Variants in TRIM24 observed in about 807,000 individuals in gnomAD.
TRIM24 encodes transcription intermediary factor 1-alpha.
TRIM24 carries 29 observed loss-of-function variants against 123.9 expected under a neutral mutation model. That is an observed-to-expected ratio of 0.23 (90% CI 0.17 to 0.32). The LOEUF (loss-of-function observed/expected upper bound fraction) is 0.32. TRIM24 is among the 10% of genes least tolerant of loss of function. TRIM24 has a pLI of 1.00. For missense variants in TRIM24, 932 were observed against 1,295.3 expected (o/e 0.72, Z 4.31); for synonymous variants, 456 against 461.1 (o/e 0.99, Z 0.14).
rs566469534 is a variant in TRIM24 at position 138,529,056 on chromosome 7, G to A, written c.882-60G>A. 697 of 1,039,544 alleles carry A rather than the reference G, an allele frequency of 6.7e-4. 7 individuals are homozygous for A. The South Asian group carries it at 0.012, about 17-fold the overall frequency. 64.4% of individuals were successfully genotyped at this position (1,039,544 alleles called of 1,614,324 possible). On this transcript the variant is annotated intron_variant, in intron 5 of 18. Transcript: ENST00000343526. ...TTTGGTCTAATTTAGACATTAAAACGTCAATTTTAAATATTATACAAAAAA... is the reference window on the plus strand; with the variant it reads ...TTTGGTCTAATTTAGACATTAAAACATCAATTTTAAATATTATACAAAAAA...
At position 138,584,446 on chromosome 7, in the gene TRIM24, T is replaced by TAA. The variant is rs760983524; in HGVS notation, c.2944-292_2944-291dup. 9.2e-5 allele frequency among the ~76,000 whole-genome samples: 14 copies of TAA among 152,214 alleles called. No homozygotes were observed. The South Asian group carries it at 1.0e-3, about 11-fold the overall frequency. Reference sequence around the variant, plus strand: ...TAATAGTACTACATTTAATTTGTTCTAAAAATACCTGGTTCATGATCCTAT... The same window carrying TAA: ...TAATAGTACTACATTTAATTTGTTCTAAAAAAATACCTGGTTCATGATCCTAT... On this transcript the variant is annotated intron_variant, in intron 18 of 18. Coordinates refer to ENST00000343526, the MANE Select transcript of TRIM24 (RefSeq NM_015905.3).
At chr7:138,535,197 A>G (rs1186028540) in intron 6 of TRIM24, among the ~76,000 whole-genome samples, 3 of 152,104 alleles carry the variant, frequency 2.0e-5, no homozygotes, top group African/African-American at 4.8e-5. Flanking sequence ...TTTTAATTGG[A>G]GCATTTAGCC....
Position 138,525,276 on chromosome 7 carries a change from A to G in TRIM24, c.800A>G (p.Lys267Arg), listed in dbSNP as rs1042072712. 16 of 1,508,632 alleles carry G rather than the reference A, an allele frequency of 1.1e-5. No individual in the cohort carries two copies. In the African/African-American group the frequency reaches 2.0e-4, roughly 19 times the overall value. The allele number at this position is 1,508,632 out of a possible 1,614,324, so 93.5% of individuals were successfully genotyped here. A position where few individuals can be genotyped will look rare whatever the true frequency, so the allele number is the denominator to read the frequency against. ...ATAGAAGAAGCTTTTCAGAATCAGA[A>G]AGTGATCATAGATACACTAATCACC... Reference protein sequence around the residue: ...QFIEEAFQNQKVIIDTLITKL... With the variant: ...QFIEEAFQNQRVIIDTLITKL... The change falls in exon 5 of 19, where the codon AAA becomes AGA. Residue 267 changes from lysine to arginine, a missense_variant. This residue lies in a region of TRIM24 where 527 missense variants were observed against 691.3 expected (regional missense o/e 0.76). Transcript: ENST00000343526.
intron 13 of TRIM24, among the ~76,000 whole-genome samples, chr7:138,577,166 G>A (rs1797777625): frequency 6.6e-6 from 1 of 152,030 alleles, no homozygotes; most frequent in African/African-American, 2.4e-5. Context: ...TAAAGCCTCA[G>A]GTTTTTAAAA....
intron 7 of TRIM24, among the ~76,000 whole-genome samples, chr7:138,549,074 T>C (rs1797159775): frequency 6.6e-6 from 1 of 152,182 alleles, no homozygotes; most frequent in South Asian, 2.1e-4. Context: ...AACATAGTCA[T>C]TTATTATCAT....
intron 14 of TRIM24, among the ~76,000 whole-genome samples, chr7:138,578,817 T>G (rs1264221156): frequency 6.6e-6 from 1 of 152,156 alleles, no homozygotes. Flanking sequence ...TTGTTTTTGT[T>G]ATTGATTTGA....
intron 10 of TRIM24, among the ~76,000 whole-genome samples, chr7:138,569,320 G>A (rs1274062411): frequency 6.6e-6 from 1 of 152,110 alleles, no homozygotes; most frequent in East Asian, 1.9e-4. Context: ...ATGTAAACAT[G>A]AATGAATAAG....
intron 1 of TRIM24, among the ~76,000 whole-genome samples, chr7:138,461,672 G>A (rs1438396435): frequency 4.6e-5 from 7 of 152,180 alleles, no homozygotes; most frequent in Non-Finnish European, 2.9e-5. Flanking sequence ...CTTTTGACAG[G>A]TGTTCCATTG....
rs1797651789 is a variant in TRIM24 at position 138,571,312 on chromosome 7, G to T, written c.1878+309G>T. 2.0e-5 allele frequency among the ~76,000 whole-genome samples: 3 copies of T among 152,158 alleles called. No individual in the cohort carries two copies. In the South Asian group the frequency reaches 6.2e-4, roughly 31 times the overall value. ...CCTGTCTCAACAAAGAAAGAAAATT[G>T]TTAGTGAATTTGGATCTGGTAGAAG... On this transcript the variant is annotated intron_variant, in intron 11 of 18. Transcript: ENST00000343526.
intron 1 of TRIM24, 53 bp downstream of exon 1, chr7:138,460,965 C>T (rs1303808167): frequency 1.6e-5 from 21 of 1,351,450 alleles, no homozygotes; most frequent in South Asian, 1.2e-4. Context: ...CAGGAGGGGG[C>T]GGGCGCCCTT....
rs1366161134 is a variant in TRIM24 at position 138,586,528 on chromosome 7, T to C, written c.*1577T>C. Reference sequence around the variant, plus strand: ...GCAATAGATCCCCATTGTTTATATATATAGGTCTTGTTCATAATATGTCAA... The same window carrying C: ...GCAATAGATCCCCATTGTTTATATACATAGGTCTTGTTCATAATATGTCAA... On this transcript the variant is annotated 3_prime_UTR_variant, in exon 19 of 19. Transcript: ENST00000343526. 1.3e-5 allele frequency: 2 copies of C among 152,240 alleles called. No individual in the cohort carries two copies. Among genetic ancestry groups the C allele is most frequent in the Non-Finnish European group, 2.9e-5 (2 of 68,102 alleles). 9.4% of individuals were successfully genotyped at this position (152,240 alleles called of 1,614,324 possible).
At chr7:138,516,815 T>G (rs116108607) in intron 3 of TRIM24, among the ~76,000 whole-genome samples, 3,500 of 82,882 alleles carry the variant, frequency 0.042, 135 homozygotes, top group African/African-American at 0.1. Context: ...ACCGTTTTGT[T>G]TTTTTTTTTT....
chr7:138,580,437 G>A, intron 15 of TRIM24, 125 bp from the exon 16 acceptor site: 1 of 1,222,926 alleles, frequency 8.2e-7, no homozygotes, highest in Middle Eastern at 2.0e-4. Context: ...TAAATGCTCA[G>A]TGATTAAAAT....
At chr7:138,465,346 A>G (rs1307400301) in intron 1 of TRIM24, among the ~76,000 whole-genome samples, 7 of 152,204 alleles carry the variant, frequency 4.6e-5, no homozygotes, top group Non-Finnish European at 8.8e-5. Flanking sequence ...ATTTTCTTTT[A>G]CGTATGTTAA....
intron 6 of TRIM24, among the ~76,000 whole-genome samples, chr7:138,530,904 C>G (rs1465752362): frequency 6.6e-6 from 1 of 151,620 alleles, no homozygotes; most frequent in Non-Finnish European, 1.5e-5. Context: ...TGCAACCACA[C>G]CTGACTAATT....
chr7:138,537,379 G>GTTTTTTTTTTTTTTTTTTT (rs71177994), intron 6 of TRIM24, among the ~76,000 whole-genome samples: 4 of 56,642 alleles, frequency 7.1e-5, no homozygotes, highest in African/African-American at 7.1e-5. Context: ...ACCCCTGTTT[G>GTTTTTTTTTTTTTTTTTTT]TTTTTTTTTT....
intron 1 of TRIM24, among the ~76,000 whole-genome samples, chr7:138,464,193 T>C (rs1337937513): frequency 6.6e-6 from 1 of 151,676 alleles, no homozygotes; most frequent in African/African-American, 2.4e-5. Flanking sequence ...AGACGGGGTT[T>C]CACCGTGTTA....
intron 1 of TRIM24, among the ~76,000 whole-genome samples, chr7:138,462,380 G>C (rs998319058): frequency 9.5e-5 from 13 of 136,988 alleles, no homozygotes; most frequent in African/African-American, 1.9e-4. Context: ...TCGCTCTGTC[G>C]CCCAGGCTGG....
chr7:138,573,182 C>T lies in TRIM24; in HGVS notation c.1879-325C>T, dbSNP rs190401583. Among the ~76,000 whole-genome samples the T allele has an allele frequency of 2.6e-3, 390 of 152,248 alleles. 5 individuals carry two copies. Among genetic ancestry groups the T allele is most frequent in the Admixed American group, 0.022 (337 of 15,278 alleles). ...TGTAAAATTGTGATAGTCTTCTCACCAAGTTTATGTTTTTCATATGGCAAG... is the reference window on the plus strand; with the variant it reads ...TGTAAAATTGTGATAGTCTTCTCACTAAGTTTATGTTTTTCATATGGCAAG... On this transcript the variant is annotated intron_variant, in intron 11 of 18. Transcript: ENST00000343526.
Sources: gnomAD v4.1 joint callset for allele counts (sites outside exome capture counted in the v4.1 genomes callset) on GRCh38, gnomAD v4.1.1 for gene constraint, gnomAD v4.1.1 regional missense constraint, MANE v1.5 for transcripts, NCBI Gene and HGNC (gene_info 2026-07-23, HGNC 2026-07-21) for gene names.